The following TUT4 variants were observed in gnomAD, a reference collection of about 807,000 sequenced individuals.
TUT4 encodes terminal uridylyl transferase 4, also known as terminal uridylyltransferase 4.
TUT4 carries 36 observed loss-of-function variants against 192.2 expected under a neutral mutation model. The ratio of observed to expected loss-of-function variants is 0.19; its 90% CI spans 0.14 to 0.25. The LOEUF (loss-of-function observed/expected upper bound fraction) is 0.25, where lower values mean the gene tolerates loss of function less well. Among genes scored for constraint, TUT4 ranks in the 10% least tolerant of loss-of-function variants. The probability of loss-of-function intolerance (pLI) is 1.00; values close to 1 mark genes in which losing one functional copy is unlikely to be tolerated. For synonymous variants in TUT4, 618 were observed against 666.0 expected (o/e 0.93, Z 1.11); for missense variants, 1,493 against 1,957.2 (o/e 0.76, Z 4.47).
intron 18 of TUT4, 31 bp downstream of exon 18, chr1:52,461,482 G>T (rs769985261): frequency 1.3e-6 from 2 of 1,575,060 alleles, no homozygotes; most frequent in Non-Finnish European, 1.7e-6. Context: ...AAAATGAAAA[G>T]TATATACATG....
intron 20 of TUT4, among the ~76,000 whole-genome samples, chr1:52,452,347 T>C (rs556239548): frequency 6.6e-6 from 1 of 152,316 alleles, no homozygotes; most frequent in Non-Finnish European, 1.5e-5. Flanking sequence ...ACTCGTAACA[T>C]CCTTGGAATC....
chr1:52,493,045 ATTACCCAAAAGGCAGTAGT>A (rs1470732607), intron 7 of TUT4, among the ~76,000 whole-genome samples: 2 of 152,118 alleles, frequency 1.3e-5, no homozygotes, highest in Admixed American at 1.3e-4. Context: ...ATATTTTTTA[ATTACCCAAAAGGCAGTAGT>A]TTTTTGCATA....
intron 20 of TUT4, among the ~76,000 whole-genome samples, chr1:52,457,469 C>T (rs929562287): frequency 2.0e-5 from 3 of 151,854 alleles, no homozygotes; most frequent in East Asian, 3.9e-4. Flanking sequence ...CTCTTGACCT[C>T]GTGATCTGCC....
Position 52,521,142 on chromosome 1 carries a change from C to A in TUT4, c.718+4421G>T, listed in dbSNP as rs886307568. 6.6e-5 allele frequency among the ~76,000 whole-genome samples: 10 copies of A among 152,102 alleles called. 1 individual carries two copies. The highest frequency in any genetic ancestry group is 1.0e-4 in the Non-Finnish European group (7 of 68,016). Reference sequence around the variant, plus strand: ...TTATTGTGTTTGTTATCTGTTTCATCCCACTAGAAGATTAACTCCATAAGA... The same window carrying A: ...TTATTGTGTTTGTTATCTGTTTCATACCACTAGAAGATTAACTCCATAAGA... On this transcript the variant is annotated intron_variant, in intron 2 of 29. Transcript: ENST00000257177.
chr1:52,541,211 A>G (rs1243298397), intron 1 of TUT4, among the ~76,000 whole-genome samples: 3 of 148,250 alleles, frequency 2.0e-5, no homozygotes, highest in Non-Finnish European at 4.5e-5. Context: ...TCTGTCTTAA[A>G]AAAAAAAAAA....
intron 9 of TUT4, among the ~76,000 whole-genome samples, chr1:52,486,684 T>C (rs1208324933): frequency 1.3e-5 from 2 of 152,158 alleles, no homozygotes; most frequent in Non-Finnish European, 2.9e-5. Context: ...AAACGAGACA[T>C]GTTATTCTGT....
chr1:52,468,356 T>A, intron 14 of TUT4, 89 bp from the exon 15 acceptor site: 1 of 978,020 alleles, frequency 1.0e-6, no homozygotes, highest in African/African-American at 1.7e-5. Context: ...CTAAAAATTT[T>A]ACTTACAGTT....
At chr1:52,536,063 C>T (rs1031232735) in intron 1 of TUT4, among the ~76,000 whole-genome samples, 2 of 152,120 alleles carry the variant, frequency 1.3e-5, no homozygotes, top group Non-Finnish European at 2.9e-5. Context: ...AAATAAAGAA[C>T]ACTAGTAAAA....
At chr1:52,463,157 G>A in intron 16 of TUT4, 2 of 981,296 alleles carry the variant, frequency 2.0e-6, no homozygotes, top group Non-Finnish European at 2.4e-6. Context: ...AGTAGGAATG[G>A]CACAGATTAT....
chr1:52,493,965 C>CTT (rs74540967), intron 6 of TUT4, among the ~76,000 whole-genome samples: 17 of 132,832 alleles, frequency 1.3e-4, no homozygotes, highest in African/African-American at 3.8e-4. Context: ...CCAGCTAATA[C>CTT]TTTTTTTTTT....
At chr1:52,444,410 T>G (rs1656736434) in intron 24 of TUT4, among the ~76,000 whole-genome samples, 1 of 152,082 alleles carries the variant, frequency 6.6e-6, no homozygotes, top group South Asian at 2.1e-4. Context: ...AAAAGAAGAC[T>G]TCTCTCTGCT....
chr1:52,428,219 G>A (rs1415212771), intron 28 of TUT4, among the ~76,000 whole-genome samples: 1 of 152,170 alleles, frequency 6.6e-6, no homozygotes, highest in East Asian at 1.9e-4. Context: ...TGGGCACAGT[G>A]GCTCACGCCT....
At chr1:52,495,554 G>T in intron 5 of TUT4, 39 bp from the exon 6 acceptor site, 3 of 1,465,822 alleles carry the variant, frequency 2.0e-6, no homozygotes, top group Non-Finnish European at 2.8e-6. Context: ...GAAATAGCAT[G>T]CAAATATGAG....
At chr1:52,506,408 T>A (rs539433186) in intron 4 of TUT4, among the ~76,000 whole-genome samples, 5 of 152,316 alleles carry the variant, frequency 3.3e-5, no homozygotes, top group African/African-American at 9.6e-5. Flanking sequence ...TGGGAAGTAT[T>A]TCTCCTCTTC....
chr1:52,460,742 T>C (rs932735097), intron 19 of TUT4, among the ~76,000 whole-genome samples: 3 of 152,204 alleles, frequency 2.0e-5, no homozygotes, highest in Non-Finnish European at 4.4e-5. Flanking sequence ...AGTGTTATAA[T>C]AGGAGAAGCG....
chr1:52,455,584 C>G (rs1309298426), intron 20 of TUT4, among the ~76,000 whole-genome samples: 1 of 114,726 alleles, frequency 8.7e-6, no homozygotes, highest in African/African-American at 3.4e-5. Flanking sequence ...GCCCGGGCAG[C>G]AACAGGAGTG....
chr1:52,439,025 G>A (rs889722658), intron 24 of TUT4, among the ~76,000 whole-genome samples: 10 of 149,032 alleles, frequency 6.7e-5, no homozygotes, highest in East Asian at 2.0e-4. Flanking sequence ...AGCAAAGATC[G>A]TGCCACTGCA....
chr1:52,466,676 A>AT (rs1216020416), intron 15 of TUT4, among the ~76,000 whole-genome samples: 4 of 137,748 alleles, frequency 2.9e-5, no homozygotes, highest in Non-Finnish European at 6.0e-5. Flanking sequence ...ATATATATAT[A>AT]TATATATTTT....
Position 52,423,834 on chromosome 1 carries a change from C to A in TUT4, c.*101G>T. On this transcript the variant is annotated 3_prime_UTR_variant, in exon 30 of 30. Coordinates refer to ENST00000257177, the MANE Select transcript of TUT4 (RefSeq NM_001009881.3). ...TGCTTTCCATTAAATGTCACTTTTT[C>A]TGCTGAATGTAACTGACATTGAGGT... is the stretch of plus-strand genomic sequence containing the variant. 6.4e-7 allele frequency: 1 copy of A among 1,555,178 alleles called. No individual in the cohort carries two copies. The highest frequency in any genetic ancestry group is 1.2e-5 in the South Asian group (1 of 84,208).
Sources: gnomAD v4.1 joint callset for allele counts (sites outside exome capture counted in the v4.1 genomes callset) on GRCh38, gnomAD v4.1.1 for gene constraint, MANE v1.5 for transcripts, NCBI Gene and HGNC (gene_info 2026-07-23, HGNC 2026-07-21) for gene names.